The following RBFOX2 variants were observed in gnomAD, a reference collection of about 807,000 sequenced individuals.
RBFOX2 encodes RNA binding protein fox-1 homolog 2.
RBFOX2 carries 10 observed loss-of-function variants against 49.1 expected under a neutral mutation model. The ratio of observed to expected loss-of-function variants is 0.20; its 90% CI spans 0.13 to 0.35. The LOEUF (loss-of-function observed/expected upper bound fraction) is 0.35. RBFOX2 is among the 10% of genes least tolerant of loss of function. RBFOX2 has a pLI of 1.00. For missense variants in RBFOX2, 323 were observed against 486.9 expected (o/e 0.66, Z 3.17); for synonymous variants, 183 against 187.4 (o/e 0.98, Z 0.19).
At chr22:35,966,667 T>C (rs543924444) in intron 1 of RBFOX2, among the ~76,000 whole-genome samples, 1 of 152,282 alleles carries the variant, frequency 6.6e-6, no homozygotes, top group African/African-American at 2.4e-5. Flanking sequence ...TGCTACTGGG[T>C]TGTTCAAAAG....
At chr22:35,996,236 G>T (rs774301173) in intron 1 of RBFOX2, 1 of 152,052 alleles carries the variant, frequency 6.6e-6, no homozygotes, top group Non-Finnish European at 1.5e-5. Flanking sequence ...CTACTATGGG[G>T]GATACCATTC....
At chr22:36,023,420 A>G (rs1446390922) in intron 1 of RBFOX2, among the ~76,000 whole-genome samples, 1 of 152,202 alleles carries the variant, frequency 6.6e-6, no homozygotes, top group Non-Finnish European at 1.5e-5. Context: ...TCACTGACAC[A>G]AAGAATTCTG....
chr22:35,975,080 T>G (rs142421496), intron 1 of RBFOX2, among the ~76,000 whole-genome samples: 2 of 152,334 alleles, frequency 1.3e-5, no homozygotes, highest in South Asian at 4.2e-4. Flanking sequence ...GTAAAATGAA[T>G]TATTAGAAAA....
chr22:36,028,674 A>C (rs1448836934), exon 1 of RBFOX2, among the ~76,000 whole-genome samples: 1 of 148,726 alleles, frequency 6.7e-6, no homozygotes, highest in African/African-American at 2.5e-5. Flanking sequence ...GGTCGTGATG[A>C]GCACTCGCTC....
At position 35,850,234 on chromosome 22, in the gene RBFOX2, A is replaced by ACC. The variant is rs1556053123; in HGVS notation, c.-33-40232_-33-40231dup. ...CACACACACACACACACACACACAC[A>ACC]CCCTTCTCACTGTCTCCGGCAGAGA... On this transcript the variant is annotated intron_variant, in intron 1 of 13. Coordinates refer to the RBFOX2 transcript ENST00000359369. Among the ~76,000 whole-genome samples the ACC allele has an allele frequency of 7.5e-4, 111 of 147,700 alleles. 1 individual carries two copies. Among genetic ancestry groups the ACC allele is most frequent in the Middle Eastern group, 7.0e-3 (2 of 286 alleles).
At chr22:35,974,370 AAT>A (rs1491384339) in intron 1 of RBFOX2, among the ~76,000 whole-genome samples, 4 of 152,150 alleles carry the variant, frequency 2.6e-5, no homozygotes, top group Non-Finnish European at 4.4e-5. Context: ...TTAACACCAG[AAT>A]TGCCACTGGG....
chr22:35,765,365 A>T, intron 6 of RBFOX2, 58 bp downstream of exon 7: 1 of 1,268,536 alleles, frequency 7.9e-7, no homozygotes, highest in East Asian at 2.6e-5. Flanking sequence ...AGAAGTTTAT[A>T]AAAACTTCAT....
chr22:35,785,384 G>A (rs544624231), intron 2 of RBFOX2, among the ~76,000 whole-genome samples: 1 of 152,264 alleles, frequency 6.6e-6, no homozygotes, highest in Admixed American at 6.5e-5. Context: ...CAAACCCGAT[G>A]GCTTGCTGAG....
intron 1 of RBFOX2, among the ~76,000 whole-genome samples, chr22:35,903,563 A>G (rs2048818111): frequency 6.6e-6 from 1 of 152,122 alleles, no homozygotes; most frequent in East Asian, 1.9e-4. Context: ...ACCTCTCCCC[A>G]TGCTCCAATA....
chr22:35,785,100 T>C (rs1030382227), intron 2 of RBFOX2, among the ~76,000 whole-genome samples: 3 of 152,136 alleles, frequency 2.0e-5, no homozygotes, highest in Non-Finnish European at 2.9e-5. Context: ...TGGGTTCAAG[T>C]GATCCTCCCA....
intron 1 of RBFOX2, among the ~76,000 whole-genome samples, chr22:35,988,989 A>C (rs1173892455): frequency 6.6e-6 from 1 of 152,244 alleles, no homozygotes; most frequent in African/African-American, 2.4e-5. Context: ...TATGAGTTCA[A>C]GACCAGCCTT....
At chr22:35,823,067 C>T (rs942857023) in intron 1 of RBFOX2, among the ~76,000 whole-genome samples, 3 of 152,122 alleles carry the variant, frequency 2.0e-5, no homozygotes, top group Admixed American at 6.5e-5. Context: ...GTGATCCGCC[C>T]GCCTCGGCCT....
intron 1 of RBFOX2, among the ~76,000 whole-genome samples, chr22:35,888,557 T>C (rs993514696): frequency 3.3e-5 from 5 of 152,192 alleles, no homozygotes; most frequent in Non-Finnish European, 4.4e-5. Context: ...CTCACAGTTC[T>C]GCAGGTTGTG....
At position 35,819,619 on chromosome 22, in the gene RBFOX2, A is replaced by G. The variant is rs538667357; in HGVS notation, c.28-9615T>C. 9.8e-5 allele frequency among the ~76,000 whole-genome samples: 15 copies of G among 152,326 alleles called. 1 individual carries two copies. In the East Asian group the frequency reaches 2.5e-3, roughly 25 times the overall value. On this transcript the variant is annotated intron_variant, in intron 1 of 11. Transcript: ENST00000405409. Reference sequence around the variant, plus strand: ...TGCCCCTTGCACACTTCATCTATTCAGCTTCAACTCTTGCCATCAAATATT... The same window carrying G: ...TGCCCCTTGCACACTTCATCTATTCGGCTTCAACTCTTGCCATCAAATATT...
chr22:35,998,773 C>T (rs566756624), intron 1 of RBFOX2: 2 of 152,402 alleles, frequency 1.3e-5, no homozygotes, highest in African/African-American at 4.8e-5. Flanking sequence ...GTGAGCCACC[C>T]TCCAGAAGAC....
intron 1 of RBFOX2, among the ~76,000 whole-genome samples, chr22:35,885,843 ATTTTTTTTT>A (rs538674450): frequency 2.5e-4 from 21 of 83,152 alleles, no homozygotes; most frequent in African/African-American, 4.3e-4. Flanking sequence ...CCCAAACCTA[ATTTTTTTTT>A]TTTTTTTTTT....
At chr22:35,891,263 A>G (rs2149370604) in intron 1 of RBFOX2, among the ~76,000 whole-genome samples, 1 of 152,216 alleles carries the variant, frequency 6.6e-6, no homozygotes, top group Admixed American at 6.5e-5. Flanking sequence ...CCTCCTGAGT[A>G]GCTGAGACTA....
At chr22:35,911,058 T>G (rs565816567) in intron 1 of RBFOX2, among the ~76,000 whole-genome samples, 1 of 152,312 alleles carries the variant, frequency 6.6e-6, no homozygotes, top group Admixed American at 6.5e-5. Flanking sequence ...AAAACCCTAT[T>G]TATAGACCTA....
chr22:35,934,594 G>A (rs1043313699), intron 1 of RBFOX2, among the ~76,000 whole-genome samples: 7 of 152,242 alleles, frequency 4.6e-5, no homozygotes, highest in Admixed American at 3.3e-4. Flanking sequence ...CACCAAAAGC[G>A]AGCGAGGGGC....
Sources: gnomAD v4.1 joint callset for allele counts (sites outside exome capture counted in the v4.1 genomes callset) on GRCh38, gnomAD v4.1.1 for gene constraint, MANE v1.5 for transcripts, NCBI Gene and HGNC (gene_info 2026-07-23, HGNC 2026-07-21) for gene names.